Variants in EPHB6 observed in about 807,000 individuals in gnomAD.
EPHB6 encodes the protein ephrin type-B receptor 6.
A neutral mutation model predicts 107.0 loss-of-function variants in EPHB6; 51 were observed. The observed-to-expected ratio is 0.48, with a 90% CI of 0.38 to 0.60. The LOEUF is 0.60. Among genes scored for constraint, EPHB6 ranks in the 20% least tolerant of loss-of-function variants. The probability of loss-of-function intolerance (pLI) is 0.00; values close to 1 mark genes in which losing one functional copy is unlikely to be tolerated. For missense variants in EPHB6, 1,141 were observed against 1,355.5 expected, an observed-to-expected ratio of 0.84 and a Z score of 2.48; for synonymous variants, 553 against 549.0, an observed-to-expected ratio of 1.01 and a Z score of -0.10.
intron 5 of EPHB6, 78 bp downstream of exon 5, chr7:142,863,405 A>C: frequency 2.1e-6 from 3 of 1,430,654 alleles, no homozygotes; most frequent in Non-Finnish European, 3.0e-6. Flanking sequence ...AAGATTTAGA[A>C]AAGGTAGATA....
chr7:142,859,472 A>G (rs1166565113), intron 1 of EPHB6, among the ~76,000 whole-genome samples: 1 of 152,248 alleles, frequency 6.6e-6, no homozygotes, highest in African/African-American at 2.4e-5. Context: ...AATTTATTCC[A>G]TATCTTAATA....
Position 142,866,435 on chromosome 7 carries a change from T to C in EPHB6, c.1463-46T>C. ...GCCCTCCCCTCAAGGCTGATCCTGC[T>C]CCCAGGGACTCCTATCCCCATAATA... is the stretch of plus-strand genomic sequence containing the variant. On this transcript the variant is annotated intron_variant, in intron 9 of 19. Transcript: ENST00000652003. This position sits in a 1 kb window ranked among gnomAD's most constrained non-coding sequence, Gnocchi z 5.2. The C allele has an allele frequency of 1.9e-6, 3 of 1,613,420 alleles. No individual in the cohort carries two copies. The highest frequency in any genetic ancestry group is 2.5e-6 in the Non-Finnish European group (3 of 1,179,980).
chr7:142,870,465 G>A (rs1794856588), intron 18 of EPHB6, 58 bp downstream of exon 18: 1 of 1,613,874 alleles, frequency 6.2e-7, no homozygotes, highest in Non-Finnish European at 8.5e-7. Context: ...CAAACCTAAA[G>A]AAAACTGAGG....
rs567818409 is a variant in EPHB6, at chr7:142,857,330, C to T, written c.-432+1945C>T. On this transcript the variant is annotated intron_variant, in intron 1 of 19. Coordinates refer to ENST00000652003, the MANE Select transcript of EPHB6 (RefSeq NM_004445.6). ...GGGACTAGAAGAGCCGGAGGACAGCCACCTCCTCACTGTCTGTCCTGGATG... is the reference window on the plus strand; with the variant it reads ...GGGACTAGAAGAGCCGGAGGACAGCTACCTCCTCACTGTCTGTCCTGGATG... 8.5e-5 allele frequency among the ~76,000 whole-genome samples: 13 copies of T among 152,338 alleles called. No individual in the cohort carries two copies. In the South Asian group the frequency reaches 2.5e-3, roughly 29 times the overall value.
At position 142,856,137 on chromosome 7, in the gene EPHB6, G is replaced by A. The variant is rs189036293; in HGVS notation, c.-432+752G>A. 1.7e-4 allele frequency among the ~76,000 whole-genome samples: 26 copies of A among 152,308 alleles called. No homozygotes were observed. In the East Asian group the frequency reaches 4.4e-3, roughly 26 times the overall value. ...CCCATGGAGCGGAGCTGCTGGGTCT[G>A]TTCCCAGTTAACCCAGGCCCTCCGC... On this transcript the variant is annotated intron_variant, in intron 1 of 19. Coordinates refer to ENST00000652003, the MANE Select transcript of EPHB6 (RefSeq NM_004445.6).
intron 7 of EPHB6, 51 bp from the exon 8 acceptor site, chr7:142,865,424 G>C: frequency 1.9e-6 from 3 of 1,609,786 alleles, no homozygotes; most frequent in Non-Finnish European, 2.5e-6. Context: ...GGGAGCTCAG[G>C]GTGGGTGGAC....
intron 1 of EPHB6, among the ~76,000 whole-genome samples, chr7:142,856,964 C>G (rs1277387536): frequency 1.3e-5 from 2 of 152,238 alleles, no homozygotes; most frequent in African/African-American, 4.8e-5. Flanking sequence ...GACGCAGGTG[C>G]TACTCCTGGC....
chr7:142,869,224 G>A lies in EPHB6; in HGVS notation c.2460+77G>A, dbSNP rs1484476853. 10 of 1,533,296 alleles carry A rather than the reference G, an allele frequency of 6.5e-6. No individual in the cohort carries two copies. Among genetic ancestry groups the A allele is most frequent in the Non-Finnish European group, 8.9e-6 (10 of 1,120,220 alleles). 95.0% of individuals were successfully genotyped at this position (1,533,296 alleles called of 1,614,324 possible). A position where few individuals can be genotyped will look rare whatever the true frequency, so the allele number is the denominator to read the frequency against. On this transcript the variant is annotated intron_variant, in intron 16 of 19. Coordinates refer to ENST00000652003, the MANE Select transcript of EPHB6 (RefSeq NM_004445.6). This position sits in a 1 kb window ranked among gnomAD's most constrained non-coding sequence, Gnocchi z 4.5. ...CAGGTGCTGGGGTCGGGGGTGAGCT[G>A]GAATCTGGGGTAGGTACCTCAGCCG...
At chr7:142,856,288 A>G (rs1421424867) in intron 1 of EPHB6, among the ~76,000 whole-genome samples, 1 of 152,138 alleles carries the variant, frequency 6.6e-6, no homozygotes, top group East Asian at 1.9e-4. Flanking sequence ...GGGGCATTGG[A>G]GCATTGAGGC....
intron 7 of EPHB6, 94 bp downstream of exon 7, chr7:142,864,843 G>T (rs1218169915): frequency 1.2e-5 from 18 of 1,485,048 alleles, no homozygotes; most frequent in Non-Finnish European, 1.6e-5. Flanking sequence ...CATTTTATCT[G>T]CAAAAGGTCA....
In EPHB6 at chr7:142,864,537, C is replaced by T. The variant is rs61732977; in HGVS notation, c.737C>T (p.Thr246Met). Reference sequence around the variant, plus strand: ...CGATCCTTTGCTTCCTTTCCAGAGACGCAGGCCAGTGGGGCTGGGGGGGCC... The same window carrying T: ...CGATCCTTTGCTTCCTTTCCAGAGATGCAGGCCAGTGGGGCTGGGGGGGCC... ...VLRSFASFPE[T>M]QASGAGGASL... The change falls in exon 7 of 20, where the codon ACG becomes ATG. Residue 246 changes from threonine to methionine, a missense_variant. By Grantham distance (81) the Thr-to-Met change is moderately conservative. Coordinates refer to ENST00000652003, the MANE Select transcript of EPHB6 (RefSeq NM_004445.6). 4.3e-4 allele frequency: 687 copies of T among 1,613,378 alleles called. No individual in the cohort carries two copies. The highest frequency in any genetic ancestry group is 5.4e-4 in the Non-Finnish European group (637 of 1,179,956).
Position 142,866,942 on chromosome 7 carries a change from G to A in EPHB6, c.1624G>A (p.Glu542Lys), listed in dbSNP as rs753791648. The A allele has an allele frequency of 3.1e-6, 5 of 1,614,006 alleles. No homozygotes were observed. Among genetic ancestry groups the A allele is most frequent in the African/African-American group, 1.3e-5 (1 of 74,912 alleles). The change falls in exon 11 of 20, where the codon GAG becomes AAG. Residue 542 changes from glutamate to lysine, a missense_variant. Physicochemically the swap from Glu to Lys is moderately conservative, Grantham distance 56 (BLOSUM62 1). Coordinates refer to ENST00000652003, the MANE Select transcript of EPHB6 (RefSeq NM_004445.6). The surrounding 1 kb of genome is among the most constrained non-coding windows in gnomAD (Gnocchi z 5.2). ...ATCCCACTCCTTCACCCTGACCAGCGAGACCAACACTGCCACCGTGACACA... is the reference window on the plus strand; with the variant it reads ...ATCCCACTCCTTCACCCTGACCAGCAAGACCAACACTGCCACCGTGACACA... ...DESHSFTLTS[E>K]TNTATVTQLS...
chr7:142,865,981 A>G lies in EPHB6; in HGVS notation c.1127A>G (p.Glu376Gly). The change falls in exon 9 of 20, where the codon GAG becomes GGG. Residue 376 changes from glutamate to glycine, a missense_variant. Transcript: ENST00000652003. ...PCTGPPSAPQ[E>G]LWFEVQGSAL... is the part of the protein sequence containing the mutation. ...CCAGGTCCTCCATCGGCTCCCCAGG[A>G]GCTTTGGTTTGAGGTGCAAGGCTCA... 2.5e-6 allele frequency: 4 copies of G among 1,613,580 alleles called. No homozygotes were observed. Among genetic ancestry groups the G allele is most frequent in the Middle Eastern group, 1.7e-4 (1 of 6,056 alleles).
rs1563346637 is a variant in EPHB6, at chr7:142,868,511, C to G, written c.2058C>G (p.Arg686=). 1 of 1,613,852 alleles carries G rather than the reference C, an allele frequency of 6.2e-7. No individual in the cohort carries two copies. Among genetic ancestry groups the G allele is most frequent in the African/African-American group, 1.3e-5 (1 of 75,054 alleles). ...VIGTGSFGEV[R]QGRLQPRGRR... ...TCCCAGGCTCTTTTGGAGAAGTGCGCCAGGGCCGCCTGCAGCCACGGGGAC... is the reference window on the plus strand; with the variant it reads ...TCCCAGGCTCTTTTGGAGAAGTGCGGCAGGGCCGCCTGCAGCCACGGGGAC... The change falls in exon 15 of 20, where the codon CGC becomes CGG. Residue 686 remains arginine, a synonymous_variant. Transcript: ENST00000652003. The surrounding 1 kb of genome is among the most constrained non-coding windows in gnomAD (Gnocchi z 4.2).
rs1263205192 is a variant in EPHB6 at position 142,869,209 on chromosome 7, G to C, written c.2460+62G>C. 6.3e-7 allele frequency: 1 copy of C among 1,581,460 alleles called. No individual in the cohort carries two copies. Among genetic ancestry groups the C allele is most frequent in the Non-Finnish European group, 8.6e-7 (1 of 1,159,962 alleles). ...TGTGGCATGCCCCAGCAGGTGCTGG[G>C]GTCGGGGGTGAGCTGGAATCTGGGG... On this transcript the variant is annotated intron_variant, in intron 16 of 19. Coordinates refer to ENST00000652003, the MANE Select transcript of EPHB6 (RefSeq NM_004445.6). The surrounding 1 kb of genome is among the most constrained non-coding windows in gnomAD (Gnocchi z 4.5).
At position 142,865,619 on chromosome 7, in the gene EPHB6, C is replaced by A; in HGVS notation, c.1094C>A (p.Ala365Asp). 6.2e-7 allele frequency: 1 copy of A among 1,613,374 alleles called. No homozygotes were observed. Among genetic ancestry groups the A allele is most frequent in the Non-Finnish European group, 8.5e-7 (1 of 1,179,980 alleles). ...FYRASSDPPEAPCTGPPSAPQ... is the reference protein window; with the variant it reads ...FYRASSDPPEDPCTGPPSAPQ... ...CGGGCCAGTTCCGACCCACCAGAGG[C>A]CCCCTGCACTGGTGAGTTCCTCACC... The change falls in exon 8 of 20, where the codon GCC becomes GAC. Residue 365 changes from alanine to aspartate, a missense_variant. Around this residue, in one of 3 missense-constraint regions of EPHB6, gnomAD observed 304 missense variants for 295.7 expected, o/e 1.03. Coordinates refer to ENST00000652003, the MANE Select transcript of EPHB6 (RefSeq NM_004445.6).
chr7:142,868,365 A>G lies in EPHB6; in HGVS notation c.2038+5A>G. 3.1e-6 allele frequency: 5 copies of G among 1,614,176 alleles called. No individual in the cohort carries two copies. The highest frequency in any genetic ancestry group is 4.2e-6 in the Non-Finnish European group (5 of 1,180,030). Reference sequence around the variant, plus strand: ...TTGAGGAGGTCATTGGGACAGGTACAGCAGGGCCAAAGCAGGGATCAGAGC... The same window carrying G: ...TTGAGGAGGTCATTGGGACAGGTACGGCAGGGCCAAAGCAGGGATCAGAGC... On this transcript the variant is annotated splice_donor_5th_base_variant and intron_variant, in intron 14 of 19. Coordinates refer to ENST00000652003, the MANE Select transcript of EPHB6 (RefSeq NM_004445.6). This position sits in a 1 kb window ranked among gnomAD's most constrained non-coding sequence, Gnocchi z 4.2.
rs1183385906 is a variant in EPHB6, at chr7:142,867,636, A to T, written c.1779A>T (p.Arg593Ser). Residue 593 changes from arginine (R) to serine (S), a missense_variant, in exon 12 of 20, where the codon AGA becomes AGT. Arg to Ser is a moderately radical substitution (Grantham distance 110, BLOSUM62 -1). This residue lies in a region of EPHB6 where 616 missense variants were observed against 759.3 expected (regional missense o/e 0.81). Coordinates refer to ENST00000652003, the MANE Select transcript of EPHB6 (RefSeq NM_004445.6). This position sits in a 1 kb window ranked among gnomAD's most constrained non-coding sequence, Gnocchi z 5.3. ...QGELSSQLPERLSLVIGSILG... is the reference protein window; with the variant it reads ...QGELSSQLPESLSLVIGSILG... ...AGCTGTCTTCCCAGCTTCCAGAAAG[A>T]CTCTCCTTGGTGATCGGCTCCATCC... is the stretch of plus-strand genomic sequence containing the variant. The T allele has an allele frequency of 6.2e-7, 1 of 1,612,836 alleles. No homozygotes were observed. The highest frequency in any genetic ancestry group is 2.2e-5 in the East Asian group (1 of 44,856).
chr7:142,855,988 G>C lies in EPHB6; in HGVS notation c.-432+603G>C, dbSNP rs1256514403. Among the ~76,000 whole-genome samples the C allele has an allele frequency of 2.0e-5, 3 of 152,294 alleles. No homozygotes were observed. In the South Asian group the frequency reaches 6.2e-4, roughly 32 times the overall value. ...CTCGCTCTGCTCCCTCCATCTGGGTGCTTGGCCCTGCTTGCCCCACACCCC... is the reference window on the plus strand; with the variant it reads ...CTCGCTCTGCTCCCTCCATCTGGGTCCTTGGCCCTGCTTGCCCCACACCCC... On this transcript the variant is annotated intron_variant, in intron 1 of 19. Transcript: ENST00000652003. This position sits in a 1 kb window ranked among gnomAD's most constrained non-coding sequence, Gnocchi z 4.2.
Sources: allele counts gnomAD v4.1 joint callset (sites outside exome capture counted in the v4.1 genomes callset), GRCh38; gene constraint gnomAD v4.1.1; regional missense constraint gnomAD v4.1.1; non-coding constraint Gnocchi (gnomAD v3.1); transcripts MANE v1.5; gene names NCBI Gene and HGNC (gene_info 2026-07-23, HGNC 2026-07-21).